Variants in IGF2R observed in about 807,000 individuals in gnomAD.
IGF2R encodes cation-independent mannose-6-phosphate receptor.
A neutral mutation model predicts 270.6 loss-of-function variants in IGF2R; 91 were observed. That is an observed-to-expected ratio of 0.34 (90% CI 0.28 to 0.40). IGF2R has a LOEUF of 0.40. Ranked by LOEUF, IGF2R falls within the 10% of genes least tolerant of loss-of-function variation. The pLI is 1.00. For synonymous variants in IGF2R, 1,316 were observed against 1,258.9 expected (o/e 1.05, Z -0.96); for missense variants, 2,805 against 3,188.3 (o/e 0.88, Z 2.90).
chr6:160,092,504 C>G (rs1017498681), intron 44 of IGF2R, among the ~76,000 whole-genome samples: 1 of 152,256 alleles, frequency 6.6e-6, no homozygotes, highest in Non-Finnish European at 1.5e-5. Context: ...CCTTTCAGAC[C>G]TTTTCACTTT....
At chr6:159,983,231 G>A (rs1783832616) in intron 1 of IGF2R, among the ~76,000 whole-genome samples, 1 of 152,176 alleles carries the variant, frequency 6.6e-6, no homozygotes, top group Admixed American at 6.5e-5. Flanking sequence ...ACCAGGGTGG[G>A]TTTCGATTGC....
At position 160,101,433 on chromosome 6, in the gene IGF2R, A is replaced by C. The variant is rs137949617; in HGVS notation, c.6843-1086A>C. 1.6e-3 allele frequency among the ~76,000 whole-genome samples: 239 copies of C among 152,234 alleles called. 1 individual carries two copies. Among genetic ancestry groups the C allele is most frequent in the African/African-American group, 5.4e-3 (226 of 41,564 alleles). On this transcript the variant is annotated intron_variant, in intron 45 of 47. Coordinates refer to ENST00000356956, the MANE Select transcript of IGF2R (RefSeq NM_000876.4). ...AGCAGAGGTCAACCCTTGCAGGCCC[A>C]CCTAGAACTGGACGCCAGGCTGTCC... is the stretch of plus-strand genomic sequence containing the variant.
At chr6:160,079,046 A>G (rs1323912901) in intron 37 of IGF2R, among the ~76,000 whole-genome samples, 1 of 152,148 alleles carries the variant, frequency 6.6e-6, no homozygotes, top group Non-Finnish European at 1.5e-5. Flanking sequence ...CTGGTGAGTG[A>G]TGAGCCTGGA....
At chr6:159,977,755 A>G (rs113576963) in intron 1 of IGF2R, among the ~76,000 whole-genome samples, 2 of 152,232 alleles carry the variant, frequency 1.3e-5, no homozygotes, top group African/African-American at 4.8e-5. Flanking sequence ...GGCAAGTCAC[A>G]GAACCTCTGA....
intron 44 of IGF2R, among the ~76,000 whole-genome samples, chr6:160,092,244 C>T (rs955581411): frequency 2.3e-5 from 3 of 133,194 alleles, no homozygotes; most frequent in Admixed American, 7.5e-5. Context: ...AGGGTGACAC[C>T]GCTGGTGTGT....
chr6:160,008,523 G>T (rs1461409737), intron 2 of IGF2R, among the ~76,000 whole-genome samples: 1 of 152,102 alleles, frequency 6.6e-6, no homozygotes. Flanking sequence ...TTCTACTTGT[G>T]GGCCTTTCTA....
At position 160,043,953 on chromosome 6, in the gene IGF2R, T is replaced by C. The variant is rs140210548; in HGVS notation, c.1622-561T>C. 4.5e-3 allele frequency among the ~76,000 whole-genome samples: 681 copies of C among 152,374 alleles called. 2 individuals carry two copies. The highest frequency in any genetic ancestry group is 0.014 in the African/African-American group (584 of 41,590). On this transcript the variant is annotated intron_variant, in intron 12 of 47. Transcript: ENST00000356956. ...GTGTCTTTAAAAGCAGGTTCAGGCA[T>C]GTCCATGTCTTTACTAAGAAGGACT... is the stretch of plus-strand genomic sequence containing the variant.
intron 10 of IGF2R, among the ~76,000 whole-genome samples, chr6:160,036,697 T>C (rs113514603): frequency 1.3e-5 from 2 of 151,738 alleles, no homozygotes; most frequent in African/African-American, 4.8e-5. Context: ...GGAAGAGGTG[T>C]GGACATCGAT....
intron 35 of IGF2R, among the ~76,000 whole-genome samples, chr6:160,075,175 C>T (rs531353401): frequency 6.6e-6 from 1 of 152,262 alleles, no homozygotes; most frequent in South Asian, 2.1e-4. Context: ...TGGCCATTCA[C>T]CTTTATTTAC....
chr6:160,037,022 C>T (rs984712465), intron 10 of IGF2R, among the ~76,000 whole-genome samples: 2 of 152,140 alleles, frequency 1.3e-5, no homozygotes, highest in Admixed American at 6.5e-5. Flanking sequence ...AATTTACATG[C>T]CTGCCACTCT....
rs1010788359 is a variant in IGF2R at position 160,108,183 on chromosome 6, C to G, written c.*3099C>G. 6 of 152,300 alleles carry G rather than the reference C, an allele frequency of 3.9e-5. No individual in the cohort carries two copies. Among genetic ancestry groups the G allele is most frequent in the Non-Finnish European group, 8.8e-5 (6 of 68,070 alleles). 9.4% of individuals were successfully genotyped at this position (152,300 alleles called of 1,614,324 possible). On this transcript the variant is annotated 3_prime_UTR_variant, in exon 48 of 48. Transcript: ENST00000356956. ...GTCCTTTCTTACTTCTCCGGTTCCACTCTGTTGACTAGTAGTTGGCCTCTT... is the reference window on the plus strand; with the variant it reads ...GTCCTTTCTTACTTCTCCGGTTCCAGTCTGTTGACTAGTAGTTGGCCTCTT...
intron 1 of IGF2R, among the ~76,000 whole-genome samples, chr6:159,988,318 A>G (rs1783921021): frequency 6.6e-6 from 1 of 152,034 alleles, no homozygotes; most frequent in Non-Finnish European, 1.5e-5. Context: ...GATTAAGACC[A>G]TCCTGGCTAA....
chr6:160,089,026 C>T, intron 42 of IGF2R, 81 bp from the exon 43 acceptor site: 1 of 1,445,084 alleles, frequency 6.9e-7, no homozygotes. Flanking sequence ...GCTTCAAGGG[C>T]TCCGCAGTGT....
chr6:160,103,526 T>C (rs1487453846), intron 46 of IGF2R, among the ~76,000 whole-genome samples: 1 of 152,154 alleles, frequency 6.6e-6, no homozygotes, highest in Admixed American at 6.5e-5. Flanking sequence ...GGCCCTCTGC[T>C]GTTGGATTCC....
chr6:159,982,603 T>C (rs1413411306), intron 1 of IGF2R, among the ~76,000 whole-genome samples: 1 of 152,236 alleles, frequency 6.6e-6, no homozygotes, highest in Non-Finnish European at 1.5e-5. Context: ...GTGCCTACTT[T>C]TATTATTACT....
chr6:159,998,992 A>G lies in IGF2R; in HGVS notation c.289+7669A>G, dbSNP rs76795658. On this transcript the variant is annotated intron_variant, in intron 2 of 47. Coordinates refer to ENST00000356956, the MANE Select transcript of IGF2R (RefSeq NM_000876.4). This position sits in a 1 kb window ranked among gnomAD's most constrained non-coding sequence, Gnocchi z 4.1. ...GAAGCGCAAAATGGATCTGTGTTCTACAGTGGGCAGGTCTGTGCAAATCTG... is the reference window on the plus strand; with the variant it reads ...GAAGCGCAAAATGGATCTGTGTTCTGCAGTGGGCAGGTCTGTGCAAATCTG... Among the ~76,000 whole-genome samples the G allele has an allele frequency of 7.9e-4, 121 of 152,344 alleles. 2 individuals carry two copies. In the East Asian group the frequency reaches 0.023, roughly 28 times the overall value.
intron 12 of IGF2R, among the ~76,000 whole-genome samples, chr6:160,044,022 T>C (rs687088): frequency 0.71 from 108,238 of 152,082 alleles, 38,664 homozygotes; most frequent in African/African-American, 0.76. Flanking sequence ...GCAAGTGAAC[T>C]AAGAAGTAAG....
In IGF2R at chr6:160,047,308, A is replaced by C; in HGVS notation, c.2201A>C (p.Asp734Ala). ...CTCATCACCTTTCTCTGTGATCGAGACGCGGGAGTGGGCTTCCCTGAATAT... is the reference window on the plus strand; with the variant it reads ...CTCATCACCTTTCTCTGTGATCGAGCCGCGGGAGTGGGCTTCCCTGAATAT... ...ATLITFLCDR[D>A]AGVGFPEYQE... The change falls in exon 16 of 48, where the codon GAC (aspartate) becomes GCC (alanine). Residue 734 changes from aspartate to alanine, a missense_variant. By Grantham distance (126) the Asp-to-Ala change is moderately radical. Transcript: ENST00000356956. 1 of 1,604,984 alleles carries C rather than the reference A, an allele frequency of 6.2e-7. No individual in the cohort carries two copies. The highest frequency in any genetic ancestry group is 8.5e-7 in the Non-Finnish European group (1 of 1,176,448).
intron 44 of IGF2R, chr6:160,094,004 A>G (rs941365691): frequency 3.1e-6 from 2 of 647,280 alleles, no homozygotes; most frequent in African/African-American, 3.6e-5. Flanking sequence ...TAAAGGACAG[A>G]CAGCAAACTA....
Sources: allele counts gnomAD v4.1 joint callset (sites outside exome capture counted in the v4.1 genomes callset), GRCh38; gene constraint gnomAD v4.1.1; non-coding constraint Gnocchi (gnomAD v3.1); transcripts MANE v1.5; gene names NCBI Gene and HGNC (gene_info 2026-07-23, HGNC 2026-07-21).